Variants in VSNL1 observed in about 807,000 individuals in gnomAD.
The protein encoded by VSNL1 is visinin like 1, also known as visinin-like protein 1.
Under a neutral mutation model 20.4 loss-of-function variants are expected in VSNL1, and 6 were observed. The ratio of observed to expected loss-of-function variants is 0.29; its 90% CI spans 0.16 to 0.58. VSNL1 has a LOEUF of 0.58. Ranked by LOEUF, VSNL1 falls within the 20% of genes least tolerant of loss-of-function variation. VSNL1 has a pLI of 0.90. For synonymous variants in VSNL1, 93 were observed against 86.4 expected (o/e 1.08, Z -0.42); for missense variants, 100 against 234.5 (o/e 0.43, Z 3.75).
intron 2 of VSNL1, among the ~76,000 whole-genome samples, chr2:17,595,772 G>A (rs187497947): frequency 2.0e-5 from 3 of 152,270 alleles, no homozygotes; most frequent in South Asian, 2.1e-4. Flanking sequence ...GAAAGGCCAC[G>A]GGAAGGCACA....
At chr2:17,606,207 T>G (rs183873118) in intron 2 of VSNL1, among the ~76,000 whole-genome samples, 1 of 152,338 alleles carries the variant, frequency 6.6e-6, no homozygotes, top group Admixed American at 6.5e-5. Flanking sequence ...GAGTGGTTTG[T>G]GTGCTTTCCT....
At position 17,655,341 on chromosome 2, in the gene VSNL1, G is replaced by T. The variant is rs1666205755; in HGVS notation, c.523G>T (p.Ala175Ser). The change falls in exon 4 of 4, where the codon GCA (alanine) becomes TCA (serine). Residue 175 changes from alanine (A) to serine (S), a missense_variant. Physicochemically the swap from Ala to Ser is moderately conservative, Grantham distance 99. Transcript: ENST00000295156. The surrounding 1 kb of genome is among the most constrained non-coding windows in gnomAD (Gnocchi z 5.2). ...TACACTGGATGAATTCAAAGAAGCT[G>T]CAAAGAGCGACCCTTCCATTGTATT... The part of the protein sequence containing the change: ...QITLDEFKEA[A>S]KSDPSIVLLL... The T allele has an allele frequency of 6.2e-7, 1 of 1,614,060 alleles. No individual in the cohort carries two copies. The highest frequency in any genetic ancestry group is 8.5e-7 in the Non-Finnish European group (1 of 1,180,016).
intron 1 of VSNL1, among the ~76,000 whole-genome samples, chr2:17,590,633 G>A (rs1192366499): frequency 6.6e-6 from 1 of 152,150 alleles, no homozygotes; most frequent in African/African-American, 2.4e-5. Context: ...AGCAAGAGTG[G>A]CTTAGTTTCA....
intron 1 of VSNL1, among the ~76,000 whole-genome samples, chr2:17,552,280 G>A (rs1033581784): frequency 6.6e-6 from 1 of 151,692 alleles, no homozygotes; most frequent in Non-Finnish European, 1.5e-5. Flanking sequence ...ATTACTTACA[G>A]CTTTTAGAGG....
intron 3 of VSNL1, among the ~76,000 whole-genome samples, chr2:17,651,430 G>A (rs1666119952): frequency 6.6e-6 from 1 of 152,216 alleles, no homozygotes; most frequent in Admixed American, 6.5e-5. Flanking sequence ...TACCTAGGAG[G>A]AGGGCACACA....
At chr2:17,549,821 T>C (rs1384274476) in intron 1 of VSNL1, among the ~76,000 whole-genome samples, 3 of 152,248 alleles carry the variant, frequency 2.0e-5, no homozygotes, top group Non-Finnish European at 4.4e-5. Flanking sequence ...AGGAAACTTA[T>C]GTGAAAATAT....
At chr2:17,556,472 T>TA (rs958074750) in intron 1 of VSNL1, among the ~76,000 whole-genome samples, 22 of 152,296 alleles carry the variant, frequency 1.4e-4, no homozygotes, top group Middle Eastern at 3.4e-3. Context: ...TTCAAACCCC[T>TA]ACATCAGAAG....
chr2:17,554,004 A>G (rs1472017681), intron 1 of VSNL1, among the ~76,000 whole-genome samples: 2 of 152,230 alleles, frequency 1.3e-5, no homozygotes, highest in Admixed American at 6.5e-5. Flanking sequence ...TGCACTGGGT[A>G]GATCTAAAAC....
intron 1 of VSNL1, among the ~76,000 whole-genome samples, chr2:17,562,986 A>G (rs1663854193): frequency 6.6e-6 from 1 of 152,150 alleles, no homozygotes; most frequent in African/African-American, 2.4e-5. Flanking sequence ...CGGTGACTCA[A>G]CCTTGATTGC....
intron 1 of VSNL1, among the ~76,000 whole-genome samples, chr2:17,557,620 A>T (rs1663716657): frequency 6.6e-6 from 1 of 151,896 alleles, no homozygotes; most frequent in African/African-American, 2.4e-5. Context: ...TGCTACTAAC[A>T]CTCGTTTACC....
At chr2:17,550,460 G>A (rs542187708) in intron 1 of VSNL1, among the ~76,000 whole-genome samples, 1 of 152,190 alleles carries the variant, frequency 6.6e-6, no homozygotes, top group Non-Finnish European at 1.5e-5. Context: ...TTTCTCAGTG[G>A]TGTGAACATG....
chr2:17,588,928 A>T (rs1664535973), intron 1 of VSNL1, among the ~76,000 whole-genome samples: 1 of 152,238 alleles, frequency 6.6e-6, no homozygotes, highest in Non-Finnish European at 1.5e-5. Context: ...AGCACCTAAT[A>T]GGAGTTACCA....
chr2:17,634,358 G>T lies in VSNL1; in HGVS notation c.163-15052G>T, dbSNP rs1369656413. On this transcript the variant is annotated intron_variant, in intron 2 of 3. Coordinates refer to ENST00000295156, the MANE Select transcript of VSNL1 (RefSeq NM_003385.5). The surrounding 1 kb of genome is among the most constrained non-coding windows in gnomAD (Gnocchi z 4.3). ...TTTTGCACTGAGCCCTGCAAATTATGTAAGAGGTCCTGGCAAGACTTGAGG... is the reference window on the plus strand; with the variant it reads ...TTTTGCACTGAGCCCTGCAAATTATTTAAGAGGTCCTGGCAAGACTTGAGG... Among the ~76,000 whole-genome samples, 1 of 152,186 alleles carries T rather than the reference G, an allele frequency of 6.6e-6. No homozygotes were observed. The highest frequency in any genetic ancestry group is 6.5e-5 in the Admixed American group (1 of 15,280).
chr2:17,611,905 G>A (rs912805493), intron 2 of VSNL1, among the ~76,000 whole-genome samples: 7 of 152,228 alleles, frequency 4.6e-5, no homozygotes, highest in African/African-American at 1.7e-4. Context: ...GAAAACCAAA[G>A]TAATAGTGAT....
Position 17,555,186 on chromosome 2 carries a change from A to G in VSNL1, c.-6+14268A>G, listed in dbSNP as rs544394466. 1.0e-3 allele frequency among the ~76,000 whole-genome samples: 157 copies of G among 152,306 alleles called. 1 individual carries two copies. Among genetic ancestry groups the G allele is most frequent in the African/African-American group, 3.4e-3 (143 of 41,574 alleles). ...TGGGCCCTAGAAAGTAGTAGGCCTGAGAGGTCATAACACTTAGAAGATTGA... is the reference window on the plus strand; with the variant it reads ...TGGGCCCTAGAAAGTAGTAGGCCTGGGAGGTCATAACACTTAGAAGATTGA... On this transcript the variant is annotated intron_variant, in intron 1 of 3. Transcript: ENST00000295156.
intron 1 of VSNL1, among the ~76,000 whole-genome samples, chr2:17,564,091 A>G (rs546183163): frequency 6.6e-5 from 10 of 152,218 alleles, no homozygotes; most frequent in Non-Finnish European, 1.2e-4. Flanking sequence ...AATAAAACAG[A>G]AAAAATGAAT....
At chr2:17,633,806 GGA>G (rs1665691776) in intron 2 of VSNL1, among the ~76,000 whole-genome samples, 1 of 152,160 alleles carries the variant, frequency 6.6e-6, no homozygotes, top group Non-Finnish European at 1.5e-5. Context: ...CTTAGGCAGG[GGA>G]GAGAGTTGGA....
chr2:17,651,899 A>T (rs942241286), intron 3 of VSNL1, among the ~76,000 whole-genome samples: 1 of 152,226 alleles, frequency 6.6e-6, no homozygotes, highest in African/African-American at 2.4e-5. Context: ...GTCTTCATTT[A>T]TAGAGTGCTG....
intron 2 of VSNL1, among the ~76,000 whole-genome samples, chr2:17,615,762 C>T (rs1289730274): frequency 6.6e-6 from 1 of 152,170 alleles, no homozygotes; most frequent in Non-Finnish European, 1.5e-5. Context: ...TCAAGTCTGC[C>T]AGAGATAGGG....
Sources: gnomAD v4.1 joint callset for allele counts (sites outside exome capture counted in the v4.1 genomes callset) on GRCh38, gnomAD v4.1.1 for gene constraint, Gnocchi (gnomAD v3.1) non-coding constraint, MANE v1.5 for transcripts, NCBI Gene and HGNC (gene_info 2026-07-23, HGNC 2026-07-21) for gene names.